The following SCN8A variants were observed in gnomAD, a reference collection of about 807,000 sequenced individuals.
SCN8A encodes the protein sodium voltage-gated channel alpha subunit 8, also known as sodium channel protein type 8 subunit alpha.
In SCN8A, 30 loss-of-function variants were observed where a neutral mutation model predicts 184.1. The ratio of observed to expected loss-of-function variants is 0.16; its 90% CI spans 0.12 to 0.22. SCN8A has a LOEUF of 0.22. Among genes scored for constraint, SCN8A ranks in the 10% least tolerant of loss-of-function variants. The pLI is 1.00. For synonymous variants in SCN8A, 852 were observed against 907.0 expected (o/e 0.94, Z 1.09); for missense variants, 1,057 against 2,498.9 (o/e 0.42, Z 12.30).
At position 51,770,681 on chromosome 12, in the gene SCN8A, C is replaced by T. The variant is rs532528307; in HGVS notation, c.3643C>T (p.Leu1215=). The T allele has an allele frequency of 3.9e-5, 63 of 1,613,880 alleles. No homozygotes were observed. Among genetic ancestry groups the T allele is most frequent in the Non-Finnish European group, 5.1e-5 (60 of 1,179,852 alleles). ...IFMILLSSGA[L]AFEDIYIEQR... Reference sequence around the variant, plus strand: ...CATGATTCTGCTGAGCAGTGGCGCCCTGGTGAGGTCCAGGGGAGAGTGTGA... The same window carrying T: ...CATGATTCTGCTGAGCAGTGGCGCCTTGGTGAGGTCCAGGGGAGAGTGTGA... The change falls in exon 19 of 27, where the codon CTG becomes TTG. Residue 1215 remains leucine, a splice_region_variant and synonymous_variant. Transcript: ENST00000627620.
intron 1 of SCN8A, among the ~76,000 whole-genome samples, chr12:51,617,361 A>G (rs1045509805): frequency 2.6e-5 from 4 of 151,714 alleles, no homozygotes; most frequent in Non-Finnish European, 5.9e-5. Flanking sequence ...TTCATCAACT[A>G]TTCTGTCATC....
chr12:51,610,628 A>G (rs1427299084), intron 1 of SCN8A, among the ~76,000 whole-genome samples: 1 of 152,158 alleles, frequency 6.6e-6, no homozygotes, highest in East Asian at 1.9e-4. Context: ...TCTGAAAAAG[A>G]CTGTATCTTT....
chr12:51,742,714 T>C (rs1245434991), intron 12 of SCN8A, among the ~76,000 whole-genome samples: 2 of 152,100 alleles, frequency 1.3e-5, no homozygotes, highest in Admixed American at 6.5e-5. Flanking sequence ...TCTATAATCT[T>C]CTTGTACTTG....
intron 26 of SCN8A, 94 bp downstream of exon 26, chr12:51,794,735 G>C (rs902919805): frequency 2.4e-6 from 3 of 1,260,900 alleles, no homozygotes; most frequent in Non-Finnish European, 3.3e-6. Flanking sequence ...ACACAGGTCT[G>C]AAGTGCAGGC....
rs756228591 is a variant in SCN8A, at chr12:51,613,692, CCTTT to C, written c.-55+22337_-55+22340del. Among the ~76,000 whole-genome samples the C allele has an allele frequency of 4.1e-4, 62 of 151,788 alleles. 1 individual carries two copies. Among genetic ancestry groups the C allele is most frequent in the Non-Finnish European group, 2.9e-5 (2 of 67,906 alleles). On this transcript the variant is annotated intron_variant, in intron 1 of 26. Coordinates refer to ENST00000627620, the MANE Select transcript of SCN8A (RefSeq NM_001330260.2). The stretch of plus-strand genomic sequence containing the variant: ...GGAAACTTGGATTGTTGATTTGAGA[CCTTT>C]CTTCTTTTCTAATATAATCTCTTAA...
intron 12 of SCN8A, among the ~76,000 whole-genome samples, chr12:51,732,333 TC>T (rs147853415): frequency 6.6e-6 from 1 of 152,216 alleles, no homozygotes. Context: ...GACTGTCTTT[TC>T]CCCAGTGTTT....
chr12:51,801,041 C>T (rs182767039), intron 26 of SCN8A, among the ~76,000 whole-genome samples: 1 of 152,124 alleles, frequency 6.6e-6, no homozygotes, highest in Non-Finnish European at 1.5e-5. Context: ...GTCCACTTGA[C>T]CTGGAAGTTT....
rs527914310 is a variant in SCN8A at position 51,695,049 on chromosome 12, C to T, written c.707-4521C>T. Among the ~76,000 whole-genome samples the T allele has an allele frequency of 4.6e-5, 7 of 152,284 alleles. No homozygotes were observed. The East Asian group carries it at 5.8e-4, about 13-fold the overall frequency. ...ATATTGCTGTGTGATCATGTGCCTTCCTTTACCTGAAAACATGAAGCCGCA... is the reference window on the plus strand; with the variant it reads ...ATATTGCTGTGTGATCATGTGCCTTTCTTTACCTGAAAACATGAAGCCGCA... On this transcript the variant is annotated intron_variant, in intron 6 of 26. Coordinates refer to ENST00000627620, the MANE Select transcript of SCN8A (RefSeq NM_001330260.2).
intron 19 of SCN8A, 99 bp downstream of exon 19, chr12:51,770,782 C>G (rs1361566989): frequency 7.9e-7 from 1 of 1,268,184 alleles, no homozygotes; most frequent in Non-Finnish European, 1.1e-6. Flanking sequence ...GCTCTGAAAA[C>G]AGATTGGCTG....
At chr12:51,698,231 T>C (rs1941627169) in intron 6 of SCN8A, among the ~76,000 whole-genome samples, 1 of 152,204 alleles carries the variant, frequency 6.6e-6, no homozygotes, top group South Asian at 2.1e-4. Flanking sequence ...TTTTCCCTAC[T>C]TTAAAGATGA....
chr12:51,721,261 C>G (rs969223938), intron 11 of SCN8A, among the ~76,000 whole-genome samples: 1 of 151,478 alleles, frequency 6.6e-6, no homozygotes, highest in African/African-American at 2.4e-5. Context: ...ATGTGCTTTA[C>G]CCTGGATAAG....
At chr12:51,692,065 G>A (rs1592382887) in intron 6 of SCN8A, among the ~76,000 whole-genome samples, 3 of 152,138 alleles carry the variant, frequency 2.0e-5, no homozygotes, top group Non-Finnish European at 4.4e-5. Flanking sequence ...CCATTGTTCT[G>A]TATACCAAGT....
At chr12:51,704,802 G>A (rs964156553) in intron 9 of SCN8A, among the ~76,000 whole-genome samples, 5 of 147,262 alleles carry the variant, frequency 3.4e-5, no homozygotes, top group Admixed American at 6.8e-5. Flanking sequence ...GTGAAACCCC[G>A]TCTCTACTAA....
At chr12:51,688,652 GA>G (rs1292290358) in intron 5 of SCN8A, 34 of 740,862 alleles carry the variant, frequency 4.6e-5, no homozygotes, top group Middle Eastern at 3.6e-4. Flanking sequence ...CTTTTTCAAG[GA>G]AAAAAAATGA....
At chr12:51,697,372 A>G (rs970817104) in intron 6 of SCN8A, among the ~76,000 whole-genome samples, 1 of 152,092 alleles carries the variant, frequency 6.6e-6, no homozygotes, top group Non-Finnish European at 1.5e-5. Context: ...TTTCTCATTC[A>G]TTTACTCTCC....
chr12:51,738,449 T>G (rs1337371510), intron 12 of SCN8A, among the ~76,000 whole-genome samples: 2 of 152,226 alleles, frequency 1.3e-5, no homozygotes, highest in Non-Finnish European at 2.9e-5. Context: ...TATAGAGAAA[T>G]GATTGAAATG....
chr12:51,698,761 G>A (rs1357751096), intron 6 of SCN8A, among the ~76,000 whole-genome samples: 1 of 152,200 alleles, frequency 6.6e-6, no homozygotes, highest in Non-Finnish European at 1.5e-5. Flanking sequence ...TGATACAGAA[G>A]AAGTATATTT....
rs1555226176 is a variant in SCN8A, at chr12:51,769,309, G to T, written c.3346G>T (p.Glu1116Ter). Residue 1116 changes from glutamate to a stop codon, truncating the protein, a stop_gained, in exon 17 of 27, where the codon GAG becomes TAG. Transcript: ENST00000627620. LOFTEE classifies it high-confidence loss of function. The stretch of plus-strand genomic sequence containing the variant: ...CCTCAACACAGAGGATGTTAGCAGC[G>T]AGTCGGATCCTGAAGGCAGCAAAGA... ...ENLNTEDVSS[E>*]SDPEGSKDKL... is the part of the protein sequence containing the mutation. 1 of 1,597,326 alleles carries T rather than the reference G, an allele frequency of 6.3e-7. No homozygotes were observed. The highest frequency in any genetic ancestry group is 1.1e-5 in the South Asian group (1 of 89,132).
intron 2 of SCN8A, among the ~76,000 whole-genome samples, chr12:51,668,260 CAA>C (rs1277148516): frequency 2.6e-5 from 4 of 151,708 alleles, no homozygotes; most frequent in East Asian, 3.9e-4. Context: ...CCTTTTTCTG[CAA>C]AGAGATATCT....
Sources: gnomAD v4.1 joint callset for allele counts (sites outside exome capture counted in the v4.1 genomes callset) on GRCh38, gnomAD v4.1.1 for gene constraint, MANE v1.5 for transcripts, NCBI Gene and HGNC (gene_info 2026-07-23, HGNC 2026-07-21) for gene names.